LNX1: variants seen among roughly 807,000 people sequenced by gnomAD.
LNX1 encodes the protein ligand of numb-protein X 1, also known as E3 ubiquitin-protein ligase LNX.
In LNX1, 54 loss-of-function variants were observed where a neutral mutation model predicts 68.4. The ratio of observed to expected loss-of-function variants is 0.79; its 90% CI spans 0.63 to 0.99. LNX1 has a LOEUF of 0.99. LNX1 is among the 50% of genes least tolerant of loss of function. The probability of loss-of-function intolerance (pLI) is 0.00; values close to 1 mark genes in which losing one functional copy is unlikely to be tolerated. For synonymous variants in LNX1, 336 were observed against 350.0 expected (o/e 0.96, Z 0.45); for missense variants, 906 against 926.4 (o/e 0.98, Z 0.29).
intron 1 of LNX1, among the ~76,000 whole-genome samples, chr4:53,623,260 G>A (rs1733951860): frequency 6.7e-6 from 1 of 149,708 alleles, no homozygotes; most frequent in South Asian, 2.1e-4. Flanking sequence ...CTGGAGTACA[G>A]TGGCATGATC....
At chr4:53,629,221 TA>T (rs141560605) in intron 1 of LNX1, among the ~76,000 whole-genome samples, 17,475 of 152,086 alleles carry the variant, frequency 0.11, 1,169 homozygotes, top group Non-Finnish European at 0.16. Flanking sequence ...CTGGATTGAT[TA>T]GGGGGCTACC....
chr4:53,465,107 ATTGAAAAACAT>A (rs1257404931), intron 9 of LNX1, among the ~76,000 whole-genome samples: 1 of 152,178 alleles, frequency 6.6e-6, no homozygotes, highest in Non-Finnish European at 1.5e-5. Context: ...GTTATTGGCC[ATTGAAAAACAT>A]CTTGCATTTT....
At chr4:53,495,364 A>T (rs1363274518) in intron 6 of LNX1, among the ~76,000 whole-genome samples, 1 of 152,130 alleles carries the variant, frequency 6.6e-6, no homozygotes, top group Non-Finnish European at 1.5e-5. Flanking sequence ...AGAAAAGTGG[A>T]TTAGTTTGAA....
At chr4:53,632,374 T>C (rs1350579227) in intron 1 of LNX1, among the ~76,000 whole-genome samples, 2 of 152,230 alleles carry the variant, frequency 1.3e-5, no homozygotes, top group Non-Finnish European at 2.9e-5. Context: ...GTGTGGCTGC[T>C]GATGGCTTAT....
chr4:53,623,759 CT>C (rs1733972075), intron 1 of LNX1, among the ~76,000 whole-genome samples: 1 of 150,724 alleles, frequency 6.6e-6, no homozygotes, highest in Non-Finnish European at 1.5e-5. Flanking sequence ...ACACTAGCAA[CT>C]TGATTAGGTA....
At chr4:53,561,845 T>C (rs749906087) in intron 2 of LNX1, among the ~76,000 whole-genome samples, 3 of 151,860 alleles carry the variant, frequency 2.0e-5, no homozygotes, top group Non-Finnish European at 4.4e-5. Context: ...TTTTAGAAAA[T>C]AAGAGAGTAG....
At chr4:53,574,188 G>GC (rs1731346930) in intron 1 of LNX1, 100 bp from the exon 2 acceptor site, 4 of 945,796 alleles carry the variant, frequency 4.2e-6, no homozygotes. Flanking sequence ...GGGGAATTGA[G>GC]CTACGATTCA....
chr4:53,508,300 A>C, intron 2 of LNX1, 73 bp from the exon 3 acceptor site: 1 of 1,543,914 alleles, frequency 6.5e-7, no homozygotes, highest in Non-Finnish European at 8.8e-7. Context: ...CCCTCTTCAA[A>C]TACAATTGAA....
At chr4:53,537,150 T>C (rs1728432952) in intron 2 of LNX1, among the ~76,000 whole-genome samples, 1 of 152,174 alleles carries the variant, frequency 6.6e-6, no homozygotes. Flanking sequence ...TAATTTGCCG[T>C]AAGACATATA....
In LNX1 at chr4:53,532,516, T is replaced by A. The variant is rs527735062; in HGVS notation, c.381-24289A>T. On this transcript the variant is annotated intron_variant, in intron 2 of 10. Coordinates refer to ENST00000263925, the MANE Select transcript of LNX1 (RefSeq NM_001126328.3). ...TACCTGGTGACACAAAACCGTCAGC[T>A]GCAAAATGTTTGCTTTCCATAAAGA... Among the ~76,000 whole-genome samples, 3 of 152,226 alleles carry A rather than the reference T, an allele frequency of 2.0e-5. No individual in the cohort carries two copies. In the South Asian group the frequency reaches 6.2e-4, roughly 32 times the overall value.
At chr4:53,651,300 C>G (rs1577834230) in intron 1 of LNX1, among the ~76,000 whole-genome samples, 1 of 152,356 alleles carries the variant, frequency 6.6e-6, no homozygotes, top group South Asian at 2.1e-4. Flanking sequence ...CACCCCCATC[C>G]TGCTCTGCAC....
intron 9 of LNX1, among the ~76,000 whole-genome samples, chr4:53,475,552 G>T (rs1723508931): frequency 6.6e-6 from 1 of 152,132 alleles, no homozygotes; most frequent in African/African-American, 2.4e-5. Context: ...CCACCCTCAA[G>T]AAAAACGTAC....
At chr4:53,536,837 A>G (rs544451728) in intron 2 of LNX1, among the ~76,000 whole-genome samples, 19 of 152,342 alleles carry the variant, frequency 1.2e-4, no homozygotes, top group South Asian at 2.1e-4. Context: ...TAAATAACAC[A>G]AAAGACATGG....
chr4:53,553,448 TC>T lies in LNX1; in HGVS notation c.380+20174del, dbSNP rs1277141072. On this transcript the variant is annotated intron_variant, in intron 2 of 10. Coordinates refer to ENST00000263925, the MANE Select transcript of LNX1 (RefSeq NM_001126328.3). ...CCAAATCTGCATTTTGAAAACAAAC[TC>T]CACCCCTACTTCTGATATGGGTGGT... is the stretch of plus-strand genomic sequence containing the variant. 5.9e-5 allele frequency among the ~76,000 whole-genome samples: 9 copies of T among 152,274 alleles called. No homozygotes were observed. The East Asian group carries it at 1.7e-3, about 29-fold the overall frequency.
intron 1 of LNX1, among the ~76,000 whole-genome samples, chr4:53,574,536 A>G (rs1341424465): frequency 1.3e-5 from 2 of 152,198 alleles, no homozygotes. Context: ...AAAAAGTAGG[A>G]GATCAGAGCT....
intron 2 of LNX1, among the ~76,000 whole-genome samples, chr4:53,544,264 A>G (rs1913485): frequency 0.71 from 107,224 of 151,678 alleles, 38,643 homozygotes; most frequent in Admixed American, 0.78. Context: ...GTGCCATCTC[A>G]GCTCACTGCA....
At chr4:53,621,194 T>C (rs932634195), upstream of LNX1, among the ~76,000 whole-genome samples, 7 of 152,128 alleles carry the variant, frequency 4.6e-5, no homozygotes, top group African/African-American at 1.4e-4. Context: ...GTGACTTGTA[T>C]GCATATTCAA....
chr4:53,604,637 G>C (rs1195957398), intron 2 of LNX1, among the ~76,000 whole-genome samples: 1 of 152,154 alleles, frequency 6.6e-6, no homozygotes, highest in African/African-American at 2.4e-5. Context: ...AATATTCTTA[G>C]GCTCAATTCG....
chr4:53,564,969 T>C (rs1730555980), intron 2 of LNX1, among the ~76,000 whole-genome samples: 1 of 152,168 alleles, frequency 6.6e-6, no homozygotes, highest in African/African-American at 2.4e-5. Flanking sequence ...ACCACGAGAT[T>C]ATATCCCCCA....
Sources: gnomAD v4.1 joint callset for allele counts (sites outside exome capture counted in the v4.1 genomes callset) on GRCh38, gnomAD v4.1.1 for gene constraint, MANE v1.5 for transcripts, NCBI Gene and HGNC (gene_info 2026-07-23, HGNC 2026-07-21) for gene names.